The following KIRREL3 variants were observed in gnomAD, a reference collection of about 807,000 sequenced individuals.
KIRREL3 encodes kin of IRRE-like protein 3.
KIRREL3 carries 36 observed loss-of-function variants against 89.7 expected under a neutral mutation model. That is an observed-to-expected ratio of 0.40 (90% confidence interval 0.31 to 0.53). KIRREL3 has a LOEUF of 0.53. Among genes scored for constraint, KIRREL3 ranks in the 20% least tolerant of loss-of-function variants. The pLI is 0.49. For missense variants in KIRREL3, 864 were observed against 1,056.6 expected (o/e 0.82, Z 2.53); for synonymous variants, 445 against 441.4 (o/e 1.01, Z -0.10).
Position 126,779,366 on chromosome 11 carries a change from G to A in KIRREL3, c.56-216454C>T, listed in dbSNP as rs995880147. 2.6e-5 allele frequency among the ~76,000 whole-genome samples: 4 copies of A among 152,112 alleles called. No homozygotes were observed. The East Asian group carries it at 5.8e-4, about 22-fold the overall frequency. On this transcript the variant is annotated intron_variant, in intron 1 of 16. Transcript: ENST00000525144. The stretch of plus-strand genomic sequence containing the variant: ...TCATTCCTCTGTGACCCAGCACAGG[G>A]CATTCTCTCTCCCTGAAACCTGTTG...
In KIRREL3 at chr11:126,440,485, C is replaced by T; in HGVS notation, c.1317G>A (p.Lys439=). The T allele has an allele frequency of 6.3e-7, 1 of 1,598,638 alleles. No homozygotes were observed. Among genetic ancestry groups the T allele is most frequent in the Non-Finnish European group, 8.5e-7 (1 of 1,173,230 alleles). ...GCGGCGGCGTGCTCCGGATGAAGCA[C>T]TTGATCTGGCCCTTCTCGCCGTGGA... ...HALHGEKGQI[K]CFIRSTPPPD... is the part of the protein sequence containing the mutation. Residue 439 remains lysine (K), a synonymous_variant, in exon 11 of 17, where the codon AAG becomes AAA. Transcript: ENST00000525144.
chr11:126,938,631 C>T (rs771818298), intron 1 of KIRREL3, among the ~76,000 whole-genome samples: 18 of 152,264 alleles, frequency 1.2e-4, no homozygotes, highest in African/African-American at 3.6e-4. Flanking sequence ...GATGATTGCT[C>T]GTGGGAGTCA....
rs1261103898 is a variant in KIRREL3 at position 126,890,951 on chromosome 11, C to A, written c.55+109504G>T. ...GCTGATTCCAGTGCTGTTGGTCCCC[C>A]GCTTGGTTCATTACATTTCTGAGCC... On this transcript the variant is annotated intron_variant, in intron 1 of 16. Transcript: ENST00000525144. The surrounding 1 kb of genome is among the most constrained non-coding windows in gnomAD (Gnocchi z 5.1). 6.6e-6 allele frequency among the ~76,000 whole-genome samples: 1 copy of A among 152,208 alleles called. No homozygotes were observed. The highest frequency in any genetic ancestry group is 2.4e-5 in the African/African-American group (1 of 41,444).
rs914981649 is a variant in KIRREL3 at position 126,443,996 on chromosome 11, A to G, written c.1252+983T>C. ...TTTTTGCCTGTGGCCAAAGCACCAG[A>G]TAGGGCAGGGACGTCCGCATTTGCG... On this transcript the variant is annotated intron_variant, in intron 10 of 16. Coordinates refer to ENST00000525144, the MANE Select transcript of KIRREL3 (RefSeq NM_032531.4). The surrounding 1 kb of genome is among the most constrained non-coding windows in gnomAD (Gnocchi z 7.3). 6.6e-6 allele frequency among the ~76,000 whole-genome samples: 1 copy of G among 152,160 alleles called. No homozygotes were observed. The highest frequency in any genetic ancestry group is 2.4e-5 in the African/African-American group (1 of 41,436).
intron 1 of KIRREL3, among the ~76,000 whole-genome samples, chr11:126,654,160 G>A (rs1167395130): frequency 3.4e-5 from 5 of 146,736 alleles, no homozygotes; most frequent in Middle Eastern, 3.3e-3. Context: ...GCTGGTGAGC[G>A]AGGGCTCGTG....
intron 1 of KIRREL3, among the ~76,000 whole-genome samples, chr11:126,873,426 C>T (rs1002673067): frequency 4.6e-5 from 7 of 152,096 alleles, no homozygotes; most frequent in African/African-American, 1.4e-4. Flanking sequence ...GATTGGGGAG[C>T]GATGCCGGGC....
chr11:126,971,327 G>A lies in KIRREL3; in HGVS notation c.55+29128C>T, dbSNP rs193127905. Among the ~76,000 whole-genome samples the A allele has an allele frequency of 2.0e-5, 3 of 152,296 alleles. No individual in the cohort carries two copies. The East Asian group carries it at 5.8e-4, about 29-fold the overall frequency. ...CCCAGTTTTCCCAGCTATAACCTGA[G>A]AATAATGATCTTTATCTAAAAGATT... On this transcript the variant is annotated intron_variant, in intron 1 of 16. Coordinates refer to ENST00000525144, the MANE Select transcript of KIRREL3 (RefSeq NM_032531.4).
rs1365641316 is a variant in KIRREL3 at position 126,740,697 on chromosome 11, C to T, written c.56-177785G>A. Reference sequence around the variant, plus strand: ...GCTCTAGTAGGGTGTCTTGATGGGGCACAGGGGATGGGGCTAGGGACAGGG... The same window carrying T: ...GCTCTAGTAGGGTGTCTTGATGGGGTACAGGGGATGGGGCTAGGGACAGGG... On this transcript the variant is annotated intron_variant, in intron 1 of 16. Coordinates refer to ENST00000525144, the MANE Select transcript of KIRREL3 (RefSeq NM_032531.4). The surrounding 1 kb of genome is among the most constrained non-coding windows in gnomAD (Gnocchi z 6.0). 1.3e-5 allele frequency among the ~76,000 whole-genome samples: 2 copies of T among 151,860 alleles called. No homozygotes were observed. The highest frequency in any genetic ancestry group is 2.4e-5 in the African/African-American group (1 of 41,336).
chr11:126,889,811 T>G (rs1945842458), intron 1 of KIRREL3, among the ~76,000 whole-genome samples: 2 of 152,176 alleles, frequency 1.3e-5, no homozygotes, highest in Non-Finnish European at 2.9e-5. Context: ...TTGCAGGGTG[T>G]TAGGGAAATT....
In KIRREL3 at chr11:126,565,528, G is replaced by T. The variant is rs939787044; in HGVS notation, c.56-2616C>A. 5.9e-5 allele frequency among the ~76,000 whole-genome samples: 9 copies of T among 152,210 alleles called. No homozygotes were observed. The highest frequency in any genetic ancestry group is 2.2e-4 in the African/African-American group (9 of 41,450). On this transcript the variant is annotated intron_variant, in intron 1 of 16. Coordinates refer to ENST00000525144, the MANE Select transcript of KIRREL3 (RefSeq NM_032531.4). This position sits in a 1 kb window ranked among gnomAD's most constrained non-coding sequence, Gnocchi z 5.4. ...CGGCTACGTTACAAGGCGCTAATAAGCACACTGCAGAAATTTATTAAGTGC... is the reference window on the plus strand; with the variant it reads ...CGGCTACGTTACAAGGCGCTAATAATCACACTGCAGAAATTTATTAAGTGC...
rs1347530930 is a variant in KIRREL3 at position 126,946,981 on chromosome 11, A to G, written c.55+53474T>C. On this transcript the variant is annotated intron_variant, in intron 1 of 16. Transcript: ENST00000525144. This position sits in a 1 kb window ranked among gnomAD's most constrained non-coding sequence, Gnocchi z 4.1. ...CACACTGCTTGCAAATGGCAGAAAG[A>G]ACCAGAAATCTTATCCGCTAGGCTC... Among the ~76,000 whole-genome samples, 1 of 152,172 alleles carries G rather than the reference A, an allele frequency of 6.6e-6. No homozygotes were observed. The highest frequency in any genetic ancestry group is 2.4e-5 in the African/African-American group (1 of 41,436).
rs554937896 is a variant in KIRREL3, at chr11:126,684,030, A to G, written c.56-121118T>C. On this transcript the variant is annotated intron_variant, in intron 1 of 16. Transcript: ENST00000525144. The surrounding 1 kb of genome is among the most constrained non-coding windows in gnomAD (Gnocchi z 4.2). Reference sequence around the variant, plus strand: ...TTGGGCAGCTCCGCCTTCATACCGAAGGCAGCTTAGCATGGCACTGTCTGA... The same window carrying G: ...TTGGGCAGCTCCGCCTTCATACCGAGGGCAGCTTAGCATGGCACTGTCTGA... 2.2e-4 allele frequency among the ~76,000 whole-genome samples: 33 copies of G among 152,296 alleles called. No individual in the cohort carries two copies. Among genetic ancestry groups the G allele is most frequent in the African/African-American group, 6.7e-4 (28 of 41,568 alleles).
chr11:126,813,257 T>G (rs1951448020), intron 1 of KIRREL3, among the ~76,000 whole-genome samples: 1 of 152,198 alleles, frequency 6.6e-6, no homozygotes. Flanking sequence ...TTGTTTTCCT[T>G]TGTGACTGGG....
chr11:126,598,483 A>G (rs1442527643), intron 1 of KIRREL3, among the ~76,000 whole-genome samples: 4 of 152,128 alleles, frequency 2.6e-5, no homozygotes, highest in Non-Finnish European at 5.9e-5. Context: ...TTCACCTGGG[A>G]GGTGCACCTC....
intron 7 of KIRREL3, among the ~76,000 whole-genome samples, chr11:126,456,032 TGTTTTCG>T (rs1956326942): frequency 8.1e-6 from 1 of 123,860 alleles, no homozygotes; most frequent in African/African-American, 3.3e-5. Flanking sequence ...GGTTTTTTTT[TGTTTTCG>T]TTTTTTTTTT....
intron 7 of KIRREL3, among the ~76,000 whole-genome samples, chr11:126,451,764 GGA>G (rs1432448992): frequency 6.6e-6 from 1 of 152,078 alleles, no homozygotes; most frequent in Non-Finnish European, 1.5e-5. Flanking sequence ...GGATCTCCAG[GGA>G]GAGAGAGTTC....
At chr11:126,554,681 T>C (rs1323668224) in intron 2 of KIRREL3, among the ~76,000 whole-genome samples, 2 of 152,180 alleles carry the variant, frequency 1.3e-5, no homozygotes, top group South Asian at 4.1e-4. Context: ...GCCAACTGAC[T>C]GGTAGGGGAG....
chr11:126,911,390 C>A (rs967069414), intron 1 of KIRREL3, among the ~76,000 whole-genome samples: 4 of 152,188 alleles, frequency 2.6e-5, no homozygotes, highest in Non-Finnish European at 5.9e-5. Context: ...AGTGCATCTG[C>A]TGGTGAAGTC....
At position 126,436,908 on chromosome 11, in the gene KIRREL3, G is replaced by A; in HGVS notation, c.1455C>T (p.Ile485=). Residue 485 remains isoleucine, a synonymous_variant, in exon 12 of 17, where the codon ATC becomes ATT. Coordinates refer to ENST00000525144, the MANE Select transcript of KIRREL3 (RefSeq NM_032531.4). Reference sequence around the variant, plus strand: ...GGAAGTCGGCCCGCACGATGTTGCTGATGGTCAGGGTGGAGATGACGCCCT... The same window carrying A: ...GGAAGTCGGCCCGCACGATGTTGCTAATGGTCAGGGTGGAGATGACGCCCT... The part of the protein sequence containing the change: ...TEEGVISTLT[I]SNIVRADFQT... 1 of 1,613,548 alleles carries A rather than the reference G, an allele frequency of 6.2e-7. No homozygotes were observed. Among genetic ancestry groups the A allele is most frequent in the African/African-American group, 1.3e-5 (1 of 75,038 alleles).
Sources: allele counts gnomAD v4.1 joint callset (sites outside exome capture counted in the v4.1 genomes callset), GRCh38; gene constraint gnomAD v4.1.1; non-coding constraint Gnocchi (gnomAD v3.1); transcripts MANE v1.5; gene names NCBI Gene and HGNC (gene_info 2026-07-23, HGNC 2026-07-21).